Variants in DGCR8 observed in about 807,000 individuals in gnomAD.
DGCR8 encodes the protein DGCR8 microprocessor complex subunit.
Under a neutral mutation model 78.5 loss-of-function variants are expected in DGCR8, and 14 were observed. The ratio of observed to expected loss-of-function variants is 0.18; its 90% CI spans 0.12 to 0.28. The LOEUF (loss-of-function observed/expected upper bound fraction) is 0.28, where lower values mean the gene tolerates loss of function less well. Among genes scored for constraint, DGCR8 ranks in the 10% least tolerant of loss-of-function variants. The probability of loss-of-function intolerance (pLI) is 1.00; values close to 1 mark genes in which losing one functional copy is unlikely to be tolerated. For missense variants in DGCR8, 702 were observed against 1,022.5 expected (o/e 0.69, Z 4.28); for synonymous variants, 399 against 402.4 (o/e 0.99, Z 0.10).
At chr22:20,107,236 G>T in intron 11 of DGCR8, 35 bp from the exon 12 acceptor site, 1 of 1,613,866 alleles carries the variant, frequency 6.2e-7, no homozygotes, top group South Asian at 1.1e-5. Flanking sequence ...GGGTGTTTGT[G>T]ACCCCCTCTC....
In DGCR8 at chr22:20,091,746, A is replaced by G. The variant is rs968626150; in HGVS notation, c.1504+114A>G. 6.0e-6 allele frequency: 9 copies of G among 1,495,418 alleles called. No individual in the cohort carries two copies. The African/African-American group carries it at 9.7e-5, about 16-fold the overall frequency. 92.6% of individuals were successfully genotyped at this position (1,495,418 alleles called of 1,614,324 possible). A position where few individuals can be genotyped will look rare whatever the true frequency, so the allele number is the denominator to read the frequency against. On this transcript the variant is annotated intron_variant, in intron 6 of 13. Coordinates refer to ENST00000351989, the MANE Select transcript of DGCR8 (RefSeq NM_022720.7). ...TTCGTTCAAAGTTTATGTTTATCCC[A>G]TGAATGCAGGGGTCTGCCACATTCA...
Position 20,087,336 on chromosome 22 carries a change from C to A in DGCR8, c.880+15C>A. The A allele has an allele frequency of 6.3e-7, 1 of 1,589,366 alleles. No homozygotes were observed. Among genetic ancestry groups the A allele is most frequent in the South Asian group, 1.1e-5 (1 of 88,922 alleles). ...AGTGCTCAAAAGTACGTGTGTGGGT[C>A]AGAAGCAGTGGGTGTTCCAGGGCAG... On this transcript the variant is annotated intron_variant, in intron 3 of 13. Coordinates refer to ENST00000351989, the MANE Select transcript of DGCR8 (RefSeq NM_022720.7). This position sits in a 1 kb window ranked among gnomAD's most constrained non-coding sequence, Gnocchi z 4.1.
At chr22:20,109,808 G>T (rs1327858379) in intron 13 of DGCR8, among the ~76,000 whole-genome samples, 1 of 152,236 alleles carries the variant, frequency 6.6e-6, no homozygotes, top group African/African-American at 2.4e-5. Context: ...GGCTGCACAT[G>T]TTGTACTCTG....
intron 9 of DGCR8, among the ~76,000 whole-genome samples, chr22:20,103,939 G>A (rs935882940): frequency 4.6e-5 from 7 of 152,222 alleles, no homozygotes; most frequent in African/African-American, 9.7e-5. Flanking sequence ...GGTGTCGGGC[G>A]TCTGTGGTGC....
chr22:20,106,157 G>C lies in DGCR8; in HGVS notation c.1789-20G>C. The C allele has an allele frequency of 6.2e-7, 1 of 1,609,110 alleles. No individual in the cohort carries two copies. Among genetic ancestry groups the C allele is most frequent in the Non-Finnish European group, 8.5e-7 (1 of 1,175,780 alleles). Reference sequence around the variant, plus strand: ...CGGTGGGCCTGGTGGGGACTCACAAGCCTCTGCTTTGTGTTGTAGTATTTT... The same window carrying C: ...CGGTGGGCCTGGTGGGGACTCACAACCCTCTGCTTTGTGTTGTAGTATTTT... On this transcript the variant is annotated intron_variant, in intron 9 of 13. Coordinates refer to ENST00000351989, the MANE Select transcript of DGCR8 (RefSeq NM_022720.7).
chr22:20,107,234 G>A, intron 11 of DGCR8, 37 bp from the exon 12 acceptor site: 1 of 1,613,864 alleles, frequency 6.2e-7, no homozygotes, highest in Non-Finnish European at 8.5e-7. Flanking sequence ...CTGGGTGTTT[G>A]TGACCCCCTC....
intron 7 of DGCR8, among the ~76,000 whole-genome samples, 182 bp downstream of exon 7, chr22:20,092,152 G>A (rs1314212687): frequency 1.3e-5 from 2 of 152,184 alleles, no homozygotes; most frequent in Non-Finnish European, 2.9e-5. Flanking sequence ...ATCTGAGTGG[G>A]TGGCTCTGCT....
At position 20,090,290 on chromosome 22, in the gene DGCR8, C is replaced by T. The variant is rs370744836; in HGVS notation, c.1306+32C>T. 4.1e-5 allele frequency: 63 copies of T among 1,554,118 alleles called. No individual in the cohort carries two copies. The African/African-American group carries it at 8.1e-4, about 20-fold the overall frequency. On this transcript the variant is annotated intron_variant, in intron 5 of 13. Coordinates refer to ENST00000351989, the MANE Select transcript of DGCR8 (RefSeq NM_022720.7). ...TTTTGAAGGACTCTTCCCTTCTTGCCTCCTGGGACCCATGAGCTTTGTTTT... is the reference window on the plus strand; with the variant it reads ...TTTTGAAGGACTCTTCCCTTCTTGCTTCCTGGGACCCATGAGCTTTGTTTT...
intron 11 of DGCR8, chr22:20,107,046 G>A (rs894993193): frequency 3.4e-6 from 2 of 592,608 alleles, no homozygotes; most frequent in Admixed American, 5.9e-5. Flanking sequence ...GGCTTTGAGT[G>A]GTAGTGTCCT....
At chr22:20,108,813 G>C in intron 12 of DGCR8, 77 bp from the exon 13 acceptor site, 1 of 912,584 alleles carries the variant, frequency 1.1e-6, no homozygotes, top group Non-Finnish European at 1.8e-6. Context: ...AGGGTCCCAG[G>C]CACACAGCTG....
intron 9 of DGCR8, chr22:20,101,074 C>G: frequency 5.9e-6 from 3 of 510,190 alleles, no homozygotes; most frequent in Non-Finnish European, 7.6e-6. Flanking sequence ...GGAGCCCACC[C>G]TGGCCACCTC....
chr22:20,093,905 C>A (rs1004197955), intron 8 of DGCR8, among the ~76,000 whole-genome samples: 1 of 152,202 alleles, frequency 6.6e-6, no homozygotes, highest in Non-Finnish European at 1.5e-5. Context: ...GGTTGATTCT[C>A]GAGGTATCTG....
Position 20,091,946 on chromosome 22 carries a change from C to T in DGCR8, c.1582C>T (p.Pro528Ser). ...EYMQRVLKVR[P>S]VYNFFECENP... ...CATGCAGCGTGTCCTCAAGGTCCGC[C>T]CTGTCTATAATTTCTTTGAATGTGG... Residue 528 changes from proline to serine, a missense_variant, in exon 7 of 14, where the codon CCT becomes TCT. Pro to Ser is a moderately conservative substitution (Grantham distance 74). Around this residue, in one of 4 missense-constraint regions of DGCR8, gnomAD observed 225 missense variants for 427.7 expected, o/e 0.53. Coordinates refer to ENST00000351989, the MANE Select transcript of DGCR8 (RefSeq NM_022720.7). The T allele has an allele frequency of 6.2e-7, 1 of 1,613,972 alleles. No homozygotes were observed. The highest frequency in any genetic ancestry group is 8.5e-7 in the Non-Finnish European group (1 of 1,179,942).
rs1364869462 is a variant in DGCR8 at position 20,110,219 on chromosome 22, G to A, written c.*111G>A. On this transcript the variant is annotated 3_prime_UTR_variant, in exon 14 of 14. Coordinates refer to ENST00000351989, the MANE Select transcript of DGCR8 (RefSeq NM_022720.7). The stretch of plus-strand genomic sequence containing the variant: ...GGCCTCCAACCCACGCTCCTTCCCT[G>A]TGGCCAACCTGTGGGCCCGGCCTTA... The A allele has an allele frequency of 7.1e-5, 81 of 1,138,010 alleles. No individual in the cohort carries two copies. Among genetic ancestry groups the A allele is most frequent in the Non-Finnish European group, 9.6e-5 (76 of 789,898 alleles). 70.5% of individuals were successfully genotyped at this position (1,138,010 alleles called of 1,614,324 possible).
At position 20,088,764 on chromosome 22, in the gene DGCR8, T is replaced by C. The variant is rs1385826908; in HGVS notation, c.881-905T>C. Reference sequence around the variant, plus strand: ...GAGAGTCACTGGCCCTTTTTCCCCTTATGTATATTTTTTAAGGTTTCATTT... The same window carrying C: ...GAGAGTCACTGGCCCTTTTTCCCCTCATGTATATTTTTTAAGGTTTCATTT... On this transcript the variant is annotated intron_variant, in intron 3 of 13. Coordinates refer to ENST00000351989, the MANE Select transcript of DGCR8 (RefSeq NM_022720.7). Among the ~76,000 whole-genome samples, 3 of 152,096 alleles carry C rather than the reference T, an allele frequency of 2.0e-5. No homozygotes were observed. The South Asian group carries it at 6.2e-4, about 32-fold the overall frequency.
At chr22:20,100,367 A>G in intron 9 of DGCR8, 1 of 985,328 alleles carries the variant, frequency 1.0e-6, no homozygotes, top group South Asian at 4.7e-5. Flanking sequence ...ACCTGGCCAC[A>G]TTTGATTTTA....
rs1354847418 is a variant in DGCR8 at position 20,086,935 on chromosome 22, C to T, written c.721-227C>T. The T allele has an allele frequency of 2.7e-6, 2 of 734,056 alleles. No individual in the cohort carries two copies. The highest frequency in any genetic ancestry group is 2.7e-5 in the East Asian group (1 of 36,534). 45.5% of individuals were successfully genotyped at this position (734,056 alleles called of 1,614,324 possible). ...GATCTAGCGCGTGGGGCAGCAGGTG[C>T]TGCTGAGTTACGCTCCTTGGCAGTG... On this transcript the variant is annotated intron_variant, in intron 2 of 13. Coordinates refer to ENST00000351989, the MANE Select transcript of DGCR8 (RefSeq NM_022720.7). This position sits in a 1 kb window ranked among gnomAD's most constrained non-coding sequence, Gnocchi z 6.4.
chr22:20,080,529 T>G (rs1419140242), intron 1 of DGCR8, 146 bp downstream of exon 1: 2 of 959,324 alleles, frequency 2.1e-6, no homozygotes, highest in Non-Finnish European at 2.5e-6. Flanking sequence ...TGAGGCAACA[T>G]GGCCGCGGGC....
rs1329659689 is a variant in DGCR8 at position 20,080,262 on chromosome 22, G to A, written c.-399G>A. 1.0e-6 allele frequency: 1 copy of A among 979,232 alleles called. No individual in the cohort carries two copies. Among genetic ancestry groups the A allele is most frequent in the Non-Finnish European group, 1.2e-6 (1 of 826,536 alleles). 60.7% of individuals were successfully genotyped at this position (979,232 alleles called of 1,614,324 possible). A position where few individuals can be genotyped will look rare whatever the true frequency, so the allele number is the denominator to read the frequency against. On this transcript the variant is annotated 5_prime_UTR_variant, in exon 1 of 14. Coordinates refer to ENST00000351989, the MANE Select transcript of DGCR8 (RefSeq NM_022720.7). ...CGCCCTCCGCTCGCCCGGCGCGGCA[G>A]GCGGGTGCCGGCGACCGGAGAGCCT... is the stretch of plus-strand genomic sequence containing the variant.
Sources: gnomAD v4.1 joint callset for allele counts (sites outside exome capture counted in the v4.1 genomes callset) on GRCh38, gnomAD v4.1.1 for gene constraint, gnomAD v4.1.1 regional missense constraint, Gnocchi (gnomAD v3.1) non-coding constraint, MANE v1.5 for transcripts, NCBI Gene and HGNC (gene_info 2026-07-23, HGNC 2026-07-21) for gene names.